Variants in AGMO observed in about 807,000 individuals in gnomAD.
The protein encoded by AGMO is alkylglycerol monooxygenase, also known as glyceryl-ether monooxygenase.
Under a neutral mutation model 60.2 loss-of-function variants are expected in AGMO, and 75 were observed. The ratio of observed to expected loss-of-function variants is 1.25; its 90% CI spans 1.03 to 1.51. The LOEUF (loss-of-function observed/expected upper bound fraction) is 1.51. Among genes scored for constraint, AGMO ranks in the 40% most tolerant of loss-of-function variants. The pLI is 0.00. For missense variants in AGMO, 763 were observed against 525.5 expected (o/e 1.45, Z -4.42); for synonymous variants, 261 against 177.1 (o/e 1.47, Z -3.76).
At chr7:15,287,289 T>C (rs1784125393) in intron 12 of AGMO, among the ~76,000 whole-genome samples, 1 of 152,282 alleles carries the variant, frequency 6.6e-6, no homozygotes, top group African/African-American at 2.4e-5. Context: ...ATCAAAAAAT[T>C]TGGGACAAGA....
chr7:15,440,826 T>C (rs988887052), intron 3 of AGMO, among the ~76,000 whole-genome samples: 1 of 152,234 alleles, frequency 6.6e-6, no homozygotes, highest in Non-Finnish European at 1.5e-5. Flanking sequence ...TACAAAGTTA[T>C]ATTTAAGGTT....
At chr7:15,236,444 G>T (rs1357524871) in intron 12 of AGMO, among the ~76,000 whole-genome samples, 1 of 152,080 alleles carries the variant, frequency 6.6e-6, no homozygotes, top group African/African-American at 2.4e-5. Flanking sequence ...AAGTAGTTTT[G>T]CTAGGTAAGT....
Position 15,508,537 on chromosome 7 carries a change from G to A in AGMO, c.409+36235C>T, listed in dbSNP as rs116189459. ...GTTAGGAAGTGGGTAATAAACATAT[G>A]CAGGGAACTAAAAAGTGTATAAAGA... On this transcript the variant is annotated intron_variant, in intron 3 of 12. Transcript: ENST00000342526. Among the ~76,000 whole-genome samples, 1,177 of 152,168 alleles carry A rather than the reference G, an allele frequency of 7.7e-3. 18 individuals are homozygous for A. The highest frequency in any genetic ancestry group is 0.027 in the African/African-American group (1,118 of 41,526).
intron 12 of AGMO, among the ~76,000 whole-genome samples, chr7:15,333,566 T>C (rs1408972815): frequency 1.3e-5 from 2 of 149,886 alleles, no homozygotes; most frequent in Non-Finnish European, 3.0e-5. Flanking sequence ...CCCTTTGGAT[T>C]ACTTGATACT....
intron 12 of AGMO, among the ~76,000 whole-genome samples, chr7:15,307,941 A>G (rs1780662596): frequency 6.6e-6 from 1 of 152,018 alleles, no homozygotes; most frequent in Non-Finnish European, 1.5e-5. Context: ...CTCTCTTGTC[A>G]ATCCTATTAG....
At chr7:15,297,441 A>C (rs1412452517) in intron 12 of AGMO, among the ~76,000 whole-genome samples, 1 of 152,136 alleles carries the variant, frequency 6.6e-6, no homozygotes, top group Non-Finnish European at 1.5e-5. Context: ...ATAACTGTAC[A>C]CTGTGGTAAA....
chr7:15,128,146 T>A, the AGMO span, among the ~76,000 whole-genome samples: 1 of 152,104 alleles, frequency 6.6e-6, no homozygotes, highest in African/African-American at 2.4e-5. Flanking sequence ...TGCCTCTTGT[T>A]ACTAGTGCTT....
chr7:15,366,363 C>A, intron 10 of AGMO, 141 bp from the exon 11 acceptor site: 1 of 511,378 alleles, frequency 2.0e-6, no homozygotes. Flanking sequence ...AGCTTGACTA[C>A]ACAGAAAACA....
In AGMO at chr7:15,201,258, AAGAAG is replaced by A; in HGVS notation, c.*22_*26del. 1 of 1,546,338 alleles carries A rather than the reference AAGAAG, an allele frequency of 6.5e-7. No homozygotes were observed. The highest frequency in any genetic ancestry group is 1.2e-5 in the South Asian group (1 of 84,734). On this transcript the variant is annotated 3_prime_UTR_variant, in exon 13 of 13. Transcript: ENST00000342526. Reference sequence around the variant, plus strand: ...AATATGCGTGTGGACAACTCATTAAAAGAAGAGAATTATGTACAAATTCAGGTTAT... The same window carrying A: ...AATATGCGTGTGGACAACTCATTAAAAGAATTATGTACAAATTCAGGTTAT...
At chr7:15,366,867 G>A (rs541197652) in intron 10 of AGMO, among the ~76,000 whole-genome samples, 1 of 151,980 alleles carries the variant, frequency 6.6e-6, no homozygotes, top group African/African-American at 2.4e-5. Flanking sequence ...GAAAGAATGA[G>A]TACTATCTTT....
At chr7:15,264,103 T>C (rs902018637) in intron 12 of AGMO, among the ~76,000 whole-genome samples, 1 of 151,714 alleles carries the variant, frequency 6.6e-6, no homozygotes, top group Admixed American at 6.6e-5. Flanking sequence ...AAATTAAATA[T>C]TAGAAAAGAG....
intron 12 of AGMO, among the ~76,000 whole-genome samples, chr7:15,202,661 A>G (rs1426497285): frequency 1.3e-5 from 2 of 152,024 alleles, no homozygotes; most frequent in East Asian, 3.9e-4. Flanking sequence ...AATACTAAAA[A>G]TAAAATCAGC....
At chr7:15,252,412 C>T (rs896771709) in intron 12 of AGMO, among the ~76,000 whole-genome samples, 2 of 152,152 alleles carry the variant, frequency 1.3e-5, no homozygotes, top group Admixed American at 1.3e-4. Flanking sequence ...GCAAAGGCTG[C>T]AGGATGTCAA....
chr7:15,274,698 T>C (rs1783727543), intron 12 of AGMO, among the ~76,000 whole-genome samples: 1 of 151,632 alleles, frequency 6.6e-6, no homozygotes, highest in Non-Finnish European at 1.5e-5. Context: ...TGATGGGCTT[T>C]TTTTTTTTTG....
chr7:15,318,891 A>T (rs1781022132), intron 12 of AGMO, among the ~76,000 whole-genome samples: 1 of 152,126 alleles, frequency 6.6e-6, no homozygotes, highest in African/African-American at 2.4e-5. Context: ...TGCCTTGCTA[A>T]TTACAACACT....
At chr7:15,301,055 T>C (rs1258234526) in intron 12 of AGMO, among the ~76,000 whole-genome samples, 2 of 152,200 alleles carry the variant, frequency 1.3e-5, no homozygotes, top group Non-Finnish European at 2.9e-5. Flanking sequence ...AAAACAATCA[T>C]ACATTTAAGA....
intron 2 of AGMO, among the ~76,000 whole-genome samples, chr7:15,552,557 A>C (rs529474778): frequency 6.8e-6 from 1 of 148,098 alleles, no homozygotes; most frequent in Non-Finnish European, 1.5e-5. Flanking sequence ...GCAGCCAAAA[A>C]ACACATGAAA....
At chr7:15,390,463 G>C (rs1445310859) in intron 8 of AGMO, among the ~76,000 whole-genome samples, 1 of 152,098 alleles carries the variant, frequency 6.6e-6, no homozygotes, top group African/African-American at 2.4e-5. Context: ...AGACATATTT[G>C]AAAATTACTT....
At chr7:15,419,995 T>G (rs1780883161) in intron 4 of AGMO, among the ~76,000 whole-genome samples, 2 of 152,106 alleles carry the variant, frequency 1.3e-5, no homozygotes, top group African/African-American at 4.8e-5. Context: ...TGGCCTATGA[T>G]ATAAGTCCTC....
Sources: gnomAD v4.1 joint callset for allele counts (sites outside exome capture counted in the v4.1 genomes callset) on GRCh38, gnomAD v4.1.1 for gene constraint, MANE v1.5 for transcripts, NCBI Gene and HGNC (gene_info 2026-07-23, HGNC 2026-07-21) for gene names.